Variants in APBB2 observed in about 807,000 individuals in gnomAD.
APBB2 encodes the protein amyloid beta precursor protein binding family B member 2, also known as Fe65-like 1.
In APBB2, 38 loss-of-function variants were observed where a neutral mutation model predicts 82.5. That is an observed-to-expected ratio of 0.46 (90% CI 0.36 to 0.60). APBB2 has a LOEUF of 0.60. Among genes scored for constraint, APBB2 ranks in the 20% least tolerant of loss-of-function variants. The pLI, the probability that APBB2 is intolerant of heterozygous loss-of-function variation, is 0.00. For synonymous variants in APBB2, 341 were observed against 368.2 expected (o/e 0.93, Z 0.85); for missense variants, 772 against 972.3 (o/e 0.79, Z 2.74).
intron 10 of APBB2, among the ~76,000 whole-genome samples, chr4:40,913,657 A>C (rs1779127813): frequency 6.6e-6 from 1 of 152,184 alleles, no homozygotes; most frequent in African/African-American, 2.4e-5. Flanking sequence ...ACATGTTCCT[A>C]GCTGAGGTTG....
chr4:41,124,898 CTCTT>C (rs1226335564), intron 2 of APBB2, among the ~76,000 whole-genome samples: 1 of 152,196 alleles, frequency 6.6e-6, no homozygotes, highest in Non-Finnish European at 1.5e-5. Context: ...TTCCATCGTA[CTCTT>C]TCTTTCTTTT....
At chr4:41,145,440 A>G (rs1760450742) in intron 1 of APBB2, among the ~76,000 whole-genome samples, 1 of 152,250 alleles carries the variant, frequency 6.6e-6, no homozygotes, top group South Asian at 2.1e-4. Flanking sequence ...TTGGAAATAA[A>G]CTTTGTACAA....
chr4:41,130,801 GC>G (rs1755754601), intron 2 of APBB2, among the ~76,000 whole-genome samples: 1 of 151,934 alleles, frequency 6.6e-6, no homozygotes, highest in Non-Finnish European at 1.5e-5. Flanking sequence ...TCTCTCCATG[GC>G]CCTAAATGTT....
At chr4:41,054,112 G>A (rs146232939) in intron 4 of APBB2, among the ~76,000 whole-genome samples, 7 of 152,334 alleles carry the variant, frequency 4.6e-5, no homozygotes, top group Admixed American at 2.0e-4. Flanking sequence ...AGGTATCTCT[G>A]AGGCTCTTGG....
intron 15 of APBB2, 117 bp downstream of exon 15, chr4:40,825,770 T>A (rs2154298515): frequency 1.3e-6 from 1 of 768,634 alleles, no homozygotes; most frequent in Middle Eastern, 2.3e-4. Flanking sequence ...GTGTGACAGT[T>A]TGATTCAAGA....
chr4:40,973,426 C>T (rs1168451677), intron 6 of APBB2, among the ~76,000 whole-genome samples: 2 of 152,184 alleles, frequency 1.3e-5, no homozygotes, highest in African/African-American at 4.8e-5. Flanking sequence ...CCGCTGCCAA[C>T]CCTAGAAGCC....
intron 2 of APBB2, among the ~76,000 whole-genome samples, chr4:41,111,191 A>C (rs1166057264): frequency 2.0e-5 from 3 of 152,230 alleles, no homozygotes; most frequent in Admixed American, 2.0e-4. Flanking sequence ...AGCTGGAAAT[A>C]TAGATTAAGC....
chr4:41,171,555 T>G (rs1768259806), intron 1 of APBB2, among the ~76,000 whole-genome samples: 1 of 152,254 alleles, frequency 6.6e-6, no homozygotes, highest in Non-Finnish European at 1.5e-5. Flanking sequence ...GTCTAGTGAC[T>G]GTTCGAGCTG....
intron 1 of APBB2, among the ~76,000 whole-genome samples, chr4:41,166,941 T>C (rs1237172628): frequency 3.9e-5 from 6 of 152,212 alleles, no homozygotes; most frequent in Non-Finnish European, 8.8e-5. Context: ...AACTGGACTC[T>C]GCAAGTGGTG....
chr4:40,980,633 T>C (rs1430232534), intron 6 of APBB2, among the ~76,000 whole-genome samples: 9 of 152,180 alleles, frequency 5.9e-5, no homozygotes, highest in Non-Finnish European at 1.0e-4. Flanking sequence ...ACAGTAGAAA[T>C]TATAGCCCTA....
intron 4 of APBB2, among the ~76,000 whole-genome samples, chr4:41,063,037 G>T (rs1420245608): frequency 6.6e-6 from 1 of 152,192 alleles, no homozygotes; most frequent in Non-Finnish European, 1.5e-5. Context: ...CACTCCAAGA[G>T]CCCAAATGTT....
chr4:40,918,282 T>C (rs1780333759), intron 10 of APBB2, among the ~76,000 whole-genome samples: 1 of 152,168 alleles, frequency 6.6e-6, no homozygotes, highest in African/African-American at 2.4e-5. Context: ...ACAGACATCT[T>C]TCAAAGAGAG....
chr4:41,181,708 G>A (rs947106934), intron 1 of APBB2, among the ~76,000 whole-genome samples: 1 of 152,090 alleles, frequency 6.6e-6, no homozygotes, highest in Non-Finnish European at 1.5e-5. Flanking sequence ...CACTTTGGGA[G>A]GCCGAGGAGA....
intron 10 of APBB2, among the ~76,000 whole-genome samples, chr4:40,922,693 C>T (rs1434812283): frequency 6.6e-6 from 1 of 152,106 alleles, no homozygotes; most frequent in African/African-American, 2.4e-5. Flanking sequence ...TCTGTGCAAC[C>T]TCTGCCTCCC....
chr4:41,179,377 A>C (rs184183431), intron 1 of APBB2, among the ~76,000 whole-genome samples: 138 of 152,350 alleles, frequency 9.1e-4, no homozygotes, highest in African/African-American at 3.2e-3. Context: ...CAATTTAAAA[A>C]TATGTATAGA....
intron 4 of APBB2, among the ~76,000 whole-genome samples, chr4:41,057,044 A>C (rs562469300): frequency 6.6e-6 from 1 of 152,326 alleles, no homozygotes; most frequent in Non-Finnish European, 1.5e-5. Context: ...GGACACTCCT[A>C]GGGAGGAATT....
chr4:40,939,241 T>C (rs1786209001), intron 7 of APBB2, among the ~76,000 whole-genome samples: 1 of 152,156 alleles, frequency 6.6e-6, no homozygotes, highest in Non-Finnish European at 1.5e-5. Flanking sequence ...AATGCTGGGG[T>C]TCAAATTCTG....
intron 12 of APBB2, among the ~76,000 whole-genome samples, chr4:40,888,467 C>T (rs1322272255): frequency 2.0e-5 from 3 of 152,136 alleles, no homozygotes; most frequent in Admixed American, 6.5e-5. Context: ...GCTCCTGCCT[C>T]GCACACGTAT....
At chr4:40,988,890 C>A (rs531530628) in intron 6 of APBB2, among the ~76,000 whole-genome samples, 2 of 151,630 alleles carry the variant, frequency 1.3e-5, no homozygotes, top group East Asian at 4.0e-4. Context: ...CTCAGCCTCC[C>A]AAGTAGCTGG....
Sources: allele counts gnomAD v4.1 joint callset (sites outside exome capture counted in the v4.1 genomes callset), GRCh38; gene constraint gnomAD v4.1.1; transcripts MANE v1.5; gene names NCBI Gene and HGNC (gene_info 2026-07-23, HGNC 2026-07-21).